PDE9A: variants seen among roughly 807,000 people sequenced by gnomAD.
The protein encoded by PDE9A is high affinity cGMP-specific 3',5'-cyclic phosphodiesterase 9A.
In PDE9A, 60 loss-of-function variants were observed where a neutral mutation model predicts 87.4. That is an observed-to-expected ratio of 0.69 (90% confidence interval 0.56 to 0.85). The LOEUF is 0.85. PDE9A is among the 40% of genes least tolerant of loss of function. PDE9A has a pLI of 0.00. For missense variants in PDE9A, 665 were observed against 779.0 expected (o/e 0.85, Z 1.74); for synonymous variants, 272 against 279.4 (o/e 0.97, Z 0.27).
chr21:42,745,899 G>A (rs1048279362), intron 8 of PDE9A, among the ~76,000 whole-genome samples: 3 of 152,208 alleles, frequency 2.0e-5, no homozygotes, highest in Admixed American at 1.3e-4. Flanking sequence ...GCGGCCTCTG[G>A]GCCCCATATG....
rs192001038 is a variant in PDE9A at position 42,682,093 on chromosome 21, G to A, written c.70-4099G>A. On this transcript the variant is annotated intron_variant, in intron 1 of 19. Coordinates refer to ENST00000291539, the MANE Select transcript of PDE9A (RefSeq NM_002606.3). ...CCAAACTCGCACCCACTTTGGCGCC[G>A]CTGGAGACTAATGAACAGCAAAAGC... Among the ~76,000 whole-genome samples the A allele has an allele frequency of 1.4e-4, 22 of 152,358 alleles. 1 individual carries two copies. The highest frequency in any genetic ancestry group is 5.8e-4 in the East Asian group (3 of 5,188).
intron 18 of PDE9A, among the ~76,000 whole-genome samples, chr21:42,771,116 G>A (rs548153052): frequency 1.2e-4 from 19 of 152,330 alleles, no homozygotes; most frequent in African/African-American, 4.6e-4. Flanking sequence ...ATCAGCCGCC[G>A]TTAGAGCATC....
chr21:42,758,976 C>T (rs1163314765), intron 10 of PDE9A, 23 bp from the exon 11 acceptor site: 2 of 1,594,166 alleles, frequency 1.3e-6, no homozygotes, highest in East Asian at 4.5e-5. Flanking sequence ...TGCCCAGTGC[C>T]TATCCTTCTC....
rs1218364999 is a variant in PDE9A at position 42,775,473 on chromosome 21, TA to T, written c.*183del. ...ATGATGCTGTACAGAATTTTATTTT[TA>T]AACTGTCTTTTAAATAATATATTCT... On this transcript the variant is annotated 3_prime_UTR_variant, in exon 20 of 20. Coordinates refer to ENST00000291539, the MANE Select transcript of PDE9A (RefSeq NM_002606.3). 2 of 514,452 alleles carry T rather than the reference TA, an allele frequency of 3.9e-6. No individual in the cohort carries two copies. Among genetic ancestry groups the T allele is most frequent in the Non-Finnish European group, 6.9e-6 (2 of 288,078 alleles). 31.9% of individuals were successfully genotyped at this position (514,452 alleles called of 1,614,324 possible).
chr21:42,710,987 C>CA (rs886535734), intron 4 of PDE9A, among the ~76,000 whole-genome samples: 6 of 151,580 alleles, frequency 4.0e-5, no homozygotes, highest in African/African-American at 1.2e-4. Flanking sequence ...AGCTGCATCT[C>CA]AAAAAAAATA....
intron 8 of PDE9A, among the ~76,000 whole-genome samples, chr21:42,747,696 G>A (rs2054012122): frequency 6.6e-6 from 1 of 152,182 alleles, no homozygotes; most frequent in Admixed American, 6.5e-5. Flanking sequence ...TCTACCCCAG[G>A]GGCCACGGCC....
At chr21:42,767,491 G>A (rs370120057) in intron 15 of PDE9A, among the ~76,000 whole-genome samples, 3 of 151,034 alleles carry the variant, frequency 2.0e-5, no homozygotes, top group African/African-American at 7.4e-5. Context: ...AGGTCCTGCC[G>A]AGGTTGGAAG....
chr21:42,767,081 C>T (rs1014385812), intron 15 of PDE9A, among the ~76,000 whole-genome samples: 18 of 152,048 alleles, frequency 1.2e-4, no homozygotes, highest in Admixed American at 1.3e-4. Context: ...ACAAGCAGCA[C>T]GGCCAGGCAT....
rs139802325 is a variant in PDE9A, at chr21:42,692,092, C to T, written c.218+4098C>T. Among the ~76,000 whole-genome samples the T allele has an allele frequency of 2.0e-3, 298 of 152,336 alleles. No individual in the cohort carries two copies. The highest frequency in any genetic ancestry group is 0.01 in the Middle Eastern group (3 of 294). ...TCTCACTGCTGCTGGCCCCGCTGGACGGTCTTCTCTCATAGGAAGGAAATT... is the reference window on the plus strand; with the variant it reads ...TCTCACTGCTGCTGGCCCCGCTGGATGGTCTTCTCTCATAGGAAGGAAATT... On this transcript the variant is annotated intron_variant, in intron 3 of 19. Coordinates refer to ENST00000291539, the MANE Select transcript of PDE9A (RefSeq NM_002606.3). This position sits in a 1 kb window ranked among gnomAD's most constrained non-coding sequence, Gnocchi z 4.3.
chr21:42,727,638 T>A (rs562424305), intron 4 of PDE9A, among the ~76,000 whole-genome samples: 1 of 152,058 alleles, frequency 6.6e-6, no homozygotes, highest in Admixed American at 6.6e-5. Context: ...GTGGCTGGTA[T>A]TTTATTTATA....
chr21:42,754,182 G>C, intron 10 of PDE9A, 118 bp downstream of exon 10: 1 of 530,812 alleles, frequency 1.9e-6, no homozygotes, highest in Non-Finnish European at 3.3e-6. Context: ...TCTTTTTAAA[G>C]ACTGAAAAAA....
intron 4 of PDE9A, among the ~76,000 whole-genome samples, chr21:42,707,885 A>G (rs186939323): frequency 7.1e-4 from 108 of 152,286 alleles, no homozygotes; most frequent in Admixed American, 1.6e-3. Flanking sequence ...CGCCCAGTAA[A>G]TGGTTGTTAT....
At chr21:42,724,317 G>A (rs1385458431) in intron 4 of PDE9A, among the ~76,000 whole-genome samples, 1 of 152,220 alleles carries the variant, frequency 6.6e-6, no homozygotes. Context: ...AATAGCAGAG[G>A]CAGGCAGGGC....
At chr21:42,654,562 G>C (rs1228409673) in intron 1 of PDE9A, among the ~76,000 whole-genome samples, 1 of 152,180 alleles carries the variant, frequency 6.6e-6, no homozygotes, top group Admixed American at 6.5e-5. Flanking sequence ...GCTCTCATGA[G>C]CTCCCCCTAA....
chr21:42,738,516 G>C (rs1186042871), intron 7 of PDE9A, among the ~76,000 whole-genome samples: 4 of 151,996 alleles, frequency 2.6e-5, no homozygotes, highest in Non-Finnish European at 5.9e-5. Context: ...CCCCAGCTCG[G>C]CTCTCCCCAC....
intron 4 of PDE9A, among the ~76,000 whole-genome samples, chr21:42,711,241 C>T (rs2049307378): frequency 6.8e-6 from 1 of 147,666 alleles, no homozygotes. Context: ...CTTCTTGTGT[C>T]TTCTCTAATA....
Position 42,760,282 on chromosome 21 carries a change from G to A in PDE9A, c.898-46G>A, listed in dbSNP as rs990077735. On this transcript the variant is annotated intron_variant, in intron 11 of 19. Transcript: ENST00000291539. This position sits in a 1 kb window ranked among gnomAD's most constrained non-coding sequence, Gnocchi z 5.2. The stretch of plus-strand genomic sequence containing the variant: ...TCTGGGTGGCTTTGGGAGGAGAGGT[G>A]GGCGGGCCCAGGCACAGGGTGACTC... The A allele has an allele frequency of 4.3e-6, 5 of 1,154,964 alleles. No individual in the cohort carries two copies. The highest frequency in any genetic ancestry group is 6.5e-6 in the Non-Finnish European group (5 of 770,726). The allele number at this position is 1,154,964 out of a possible 1,614,324, so 71.5% of individuals were successfully genotyped here.
chr21:42,706,259 A>G (rs1323272902), intron 4 of PDE9A, among the ~76,000 whole-genome samples: 1 of 152,256 alleles, frequency 6.6e-6, no homozygotes, highest in Non-Finnish European at 1.5e-5. Context: ...CTTAGTATGA[A>G]AAAGAATATA....
intron 7 of PDE9A, among the ~76,000 whole-genome samples, chr21:42,736,887 C>T (rs977283884): frequency 1.1e-4 from 17 of 152,232 alleles, no homozygotes; most frequent in African/African-American, 1.7e-4. Flanking sequence ...CACTCTCCAG[C>T]GGATGTGCTT....
Sources: gnomAD v4.1 joint callset for allele counts (sites outside exome capture counted in the v4.1 genomes callset) on GRCh38, gnomAD v4.1.1 for gene constraint, Gnocchi (gnomAD v3.1) non-coding constraint, MANE v1.5 for transcripts, NCBI Gene and HGNC (gene_info 2026-07-23, HGNC 2026-07-21) for gene names.